Variants in FAM135A observed in about 807,000 individuals in gnomAD.
FAM135A encodes the protein family with sequence similarity 135 member A.
In FAM135A, 79 loss-of-function variants were observed where a neutral mutation model predicts 146.8. The ratio of observed to expected loss-of-function variants is 0.54; its 90% CI spans 0.45 to 0.65. FAM135A has a LOEUF of 0.65. Ranked by LOEUF, FAM135A falls within the 30% of genes least tolerant of loss-of-function variation. The pLI is 0.00. For missense variants in FAM135A, 1,623 were observed against 1,758.2 expected (o/e 0.92, Z 1.38); for synonymous variants, 562 against 603.6 (o/e 0.93, Z 1.01).
intron 20 of FAM135A, among the ~76,000 whole-genome samples, chr6:70,546,633 T>C (rs1395210275): frequency 6.6e-6 from 1 of 152,210 alleles, no homozygotes; most frequent in Non-Finnish European, 1.5e-5. Context: ...ATAAAAATCA[T>C]AAATGTATTG....
chr6:70,525,578 G>A lies in FAM135A; in HGVS notation c.2494G>A (p.Glu832Lys). 6.2e-7 allele frequency: 1 copy of A among 1,613,536 alleles called. No individual in the cohort carries two copies. Among genetic ancestry groups the A allele is most frequent in the Non-Finnish European group, 8.5e-7 (1 of 1,179,638 alleles). The change falls in exon 15 of 22, where the codon GAA becomes AAA. Residue 832 changes from glutamate (E) to lysine (K), a missense_variant. This residue lies in a region of FAM135A where 1,061 missense variants were observed against 1,113.8 expected (regional missense o/e 0.95). Transcript: ENST00000418814. ...HCTESTSAISEIQSSLTSINS... is the reference protein window; with the variant it reads ...HCTESTSAISKIQSSLTSINS... ...TACTGAGAGTACAAGTGCTATAAGT[G>A]AAATACAGTCATCTTTGACATCCAT... is the stretch of plus-strand genomic sequence containing the variant.
chr6:70,455,457 G>T (rs1778133652), intron 5 of FAM135A, among the ~76,000 whole-genome samples: 2 of 151,460 alleles, frequency 1.3e-5, no homozygotes, highest in South Asian at 4.2e-4. Context: ...TATATATTTT[G>T]TATATTCATT....
At chr6:70,459,626 TA>T (rs1318266493) in intron 5 of FAM135A, among the ~76,000 whole-genome samples, 1 of 152,224 alleles carries the variant, frequency 6.6e-6, no homozygotes, top group Non-Finnish European at 1.5e-5. Flanking sequence ...CTAGTAATGA[TA>T]GTATTATTAA....
Position 70,539,632 on chromosome 6 carries a change from A to G in FAM135A, c.4228+1231A>G, listed in dbSNP as rs1447181402. 3.3e-5 allele frequency among the ~76,000 whole-genome samples: 5 copies of G among 152,190 alleles called. No homozygotes were observed. The East Asian group carries it at 5.8e-4, about 18-fold the overall frequency. ...TAAAACCACTTTATTTGAGGCTTGT[A>G]TCATCCAAGCTGTGCTACCATCTAT... On this transcript the variant is annotated intron_variant, in intron 20 of 21. Transcript: ENST00000418814.
At position 70,482,151 on chromosome 6, in the gene FAM135A, C is replaced by G. The variant is rs1783834042; in HGVS notation, c.820C>G (p.Leu274Val). The change falls in exon 10 of 22, where the codon CTG (leucine) becomes GTG (valine). Residue 274 changes from leucine (L) to valine (V), a missense_variant. Physicochemically the swap from Leu to Val is conservative, Grantham distance 32 (BLOSUM62 1). Coordinates refer to ENST00000418814, the MANE Select transcript of FAM135A (RefSeq NM_001162529.3). ...EEIPSCQKLE[L>V]EEMDVEARLT... ...GATTCCTTCTTGTCAGAAACTAGAA[C>G]TGGGTATGTTAAAAGTAGCGAGACT... 1 of 1,613,078 alleles carries G rather than the reference C, an allele frequency of 6.2e-7. No individual in the cohort carries two copies. The highest frequency in any genetic ancestry group is 2.2e-5 in the East Asian group (1 of 44,800).
intron 12 of FAM135A, among the ~76,000 whole-genome samples, chr6:70,514,251 G>A (rs1189060508): frequency 6.6e-6 from 1 of 151,704 alleles, no homozygotes; most frequent in Non-Finnish European, 1.5e-5. Context: ...ACTCTTTTCT[G>A]TAGCAACTAA....
intron 3 of FAM135A, 63 bp downstream of exon 3, chr6:70,426,595 G>A (rs1770206173): frequency 6.6e-6 from 1 of 152,200 alleles, no homozygotes; most frequent in Non-Finnish European, 1.5e-5. Flanking sequence ...AAATTTCTAT[G>A]AAGAACTGCT....
intron 4 of FAM135A, among the ~76,000 whole-genome samples, chr6:70,451,413 G>A (rs535191584): frequency 1.5e-3 from 232 of 152,220 alleles, no homozygotes; most frequent in African/African-American, 5.0e-3. Context: ...AGAAAACTTT[G>A]CTTTCCCCTG....
chr6:70,436,015 C>G (rs1347498256), intron 4 of FAM135A, among the ~76,000 whole-genome samples: 1 of 152,024 alleles, frequency 6.6e-6, no homozygotes, highest in African/African-American at 2.4e-5. Flanking sequence ...GAAACCCTGT[C>G]TCTACTAAAA....
intron 11 of FAM135A, among the ~76,000 whole-genome samples, chr6:70,499,434 C>T (rs928472934): frequency 1.3e-4 from 20 of 152,112 alleles, no homozygotes; most frequent in Non-Finnish European, 1.2e-4. Flanking sequence ...ACTCTTTATC[C>T]AATTTGCCAG....
chr6:70,439,612 T>C (rs1773992126), intron 4 of FAM135A, among the ~76,000 whole-genome samples: 1 of 152,206 alleles, frequency 6.6e-6, no homozygotes, highest in South Asian at 2.1e-4. Flanking sequence ...AATGGCTGAT[T>C]TATTTGTGAT....
intron 5 of FAM135A, among the ~76,000 whole-genome samples, chr6:70,462,247 G>A (rs1203027214): frequency 6.6e-6 from 1 of 152,154 alleles, no homozygotes; most frequent in Non-Finnish European, 1.5e-5. Context: ...GTGTATATGA[G>A]AGAACACATA....
intron 11 of FAM135A, 71 bp from the exon 12 acceptor site, chr6:70,502,565 A>G (rs1788795517): frequency 2.0e-6 from 3 of 1,477,106 alleles, no homozygotes; most frequent in African/African-American, 1.4e-5. Flanking sequence ...TAATATTCTC[A>G]ATAACATTAT....
intron 4 of FAM135A, among the ~76,000 whole-genome samples, chr6:70,436,623 A>C (rs753028775): frequency 8.5e-5 from 13 of 152,222 alleles, no homozygotes; most frequent in Non-Finnish European, 1.8e-4. Flanking sequence ...TATGAAAAAA[A>C]AACAGTTGTG....
At chr6:70,458,542 A>G (rs933435204) in intron 5 of FAM135A, among the ~76,000 whole-genome samples, 2 of 152,176 alleles carry the variant, frequency 1.3e-5, no homozygotes, top group African/African-American at 4.8e-5. Context: ...TTGTATGTAT[A>G]GGTAACAACC....
intron 5 of FAM135A, among the ~76,000 whole-genome samples, chr6:70,460,808 T>C (rs1779273248): frequency 1.3e-5 from 2 of 151,928 alleles, no homozygotes; most frequent in South Asian, 4.2e-4. Flanking sequence ...TCTATCTATC[T>C]AGATATCTAT....
intron 2 of FAM135A, among the ~76,000 whole-genome samples, chr6:70,419,948 T>C (rs1205713858): frequency 6.6e-6 from 1 of 152,214 alleles, no homozygotes; most frequent in Non-Finnish European, 1.5e-5. Context: ...GTTGCTAACA[T>C]GAGGCCTAAG....
intron 12 of FAM135A, among the ~76,000 whole-genome samples, chr6:70,511,239 C>T (rs1790938848): frequency 1.3e-5 from 2 of 151,948 alleles, no homozygotes; most frequent in South Asian, 4.1e-4. Context: ...TGCTTTTTAG[C>T]TCTCTTGATA....
At chr6:70,524,198 T>G (rs557858517) in intron 14 of FAM135A, 77 bp downstream of exon 14, 1 of 1,427,766 alleles carries the variant, frequency 7.0e-7, no homozygotes, top group Admixed American at 2.7e-5. Flanking sequence ...CATAAAACCA[T>G]TCCCTAATGT....
Sources: allele counts gnomAD v4.1 joint callset (sites outside exome capture counted in the v4.1 genomes callset), GRCh38; gene constraint gnomAD v4.1.1; regional missense constraint gnomAD v4.1.1; transcripts MANE v1.5; gene names NCBI Gene and HGNC (gene_info 2026-07-23, HGNC 2026-07-21).